EFNB1: variants seen among roughly 807,000 people sequenced by gnomAD.
EFNB1 encodes the protein ephrin B1.
EFNB1 carries 1 observed loss-of-function variant against 18.1 expected under a neutral mutation model. That is an observed-to-expected ratio of 0.06 (90% CI 0.02 to 0.26). The LOEUF (loss-of-function observed/expected upper bound fraction) is 0.26. Ranked by LOEUF, EFNB1 falls within the 10% of genes least tolerant of loss-of-function variation. The pLI, the probability that EFNB1 is intolerant of heterozygous loss-of-function variation, is 1.00. For missense variants in EFNB1, 221 were observed against 301.8 expected, an observed-to-expected ratio of 0.73 and a Z score of 1.98; for synonymous variants, 131 against 127.5, an observed-to-expected ratio of 1.03 and a Z score of -0.19.
intron 2 of EFNB1, among the ~76,000 whole-genome samples, chrX:68,839,192 T>G (rs890056849): frequency 8.9e-6 from 1 of 112,551 alleles, no homozygotes; most frequent in Non-Finnish European, 1.9e-5. Context: ...TGGTAACATA[T>G]GCCAGGCCCT....
intron 1 of EFNB1, among the ~76,000 whole-genome samples, chrX:68,835,400 A>G (rs1277448524): frequency 9.0e-6 from 1 of 111,339 alleles, no homozygotes; most frequent in Admixed American, 9.4e-5. Context: ...TCACTTCGGG[A>G]TATCTCTTCC....
intron 1 of EFNB1, among the ~76,000 whole-genome samples, chrX:68,832,811 C>CGTGTGTGTGTGTGCGTGTGTGTGTGT (rs2080449914): frequency 1.0e-5 from 1 of 97,358 alleles, no homozygotes; most frequent in Non-Finnish European, 2.1e-5. Flanking sequence ...TCTGTGTGTG[C>CGTGTGTGTGTGTGCGTGTGTGTGTGT]GTGTGTGTGT....
intron 2 of EFNB1, among the ~76,000 whole-genome samples, chrX:68,839,368 C>G (rs903141241): frequency 2.7e-5 from 3 of 112,280 alleles, no homozygotes; most frequent in South Asian, 7.5e-4. Context: ...TATGTAGAAG[C>G]CCCCATTATG....
intron 1 of EFNB1, among the ~76,000 whole-genome samples, chrX:68,835,867 G>A (rs2080459598): frequency 1.8e-5 from 2 of 111,481 alleles, no homozygotes; most frequent in South Asian, 3.8e-4. Flanking sequence ...ACCCCAATTA[G>A]CTAGAAGCCC....
intron 1 of EFNB1, among the ~76,000 whole-genome samples, chrX:68,838,284 G>T (rs919734138): frequency 9.0e-6 from 1 of 110,807 alleles, no homozygotes; most frequent in African/African-American, 3.3e-5. Context: ...CAGGTAGCAT[G>T]GGCCTGACAC....
chrX:68,839,520 G>T, intron 2 of EFNB1, 144 bp from the exon 3 acceptor site: 1 of 557,925 alleles, frequency 1.8e-6, no homozygotes. Flanking sequence ...AAATGAAAAG[G>T]TTCACTGGTA....
intron 1 of EFNB1, among the ~76,000 whole-genome samples, chrX:68,832,837 T>TGTGTGTGTGTGTGTCTGA (rs1280587432): frequency 9.1e-6 from 1 of 109,687 alleles, no homozygotes; most frequent in African/African-American, 3.3e-5. Context: ...TGTGTGTGTG[T>TGTGTGTGTGTGTGTCTGA]GTGTCTGAGT....
At position 68,838,610 on chromosome X, in the gene EFNB1, T is replaced by C. The variant is rs1363447224; in HGVS notation, c.129-7T>C. The C allele has an allele frequency of 8.3e-7, 1 of 1,210,377 alleles. No homozygotes were observed. Among genetic ancestry groups the C allele is most frequent in the Non-Finnish European group, 1.1e-6 (1 of 895,311 alleles). ...CTGAGGCTGACCATCTTCTTCCTTC[T>C]GGGCAGGTTCCTGAGTGGGAAGGGC... is the stretch of plus-strand genomic sequence containing the variant. On this transcript the variant is annotated splice_polypyrimidine_tract_variant and splice_region_variant and intron_variant, in intron 1 of 4. Coordinates refer to ENST00000204961, the MANE Select transcript of EFNB1 (RefSeq NM_004429.5).
chrX:68,837,915 G>A (rs1187762954), intron 1 of EFNB1, among the ~76,000 whole-genome samples: 1 of 112,290 alleles, frequency 8.9e-6, no homozygotes, highest in African/African-American at 3.2e-5. Flanking sequence ...TAGGACAATA[G>A]GCAGTGGGAG....
rs2080476239 is a variant in EFNB1, at chrX:68,840,818, G to A, written c.*164G>A. ...CTTTTTCCCTGCCCCCTGGGCTTCG[G>A]AGGGGGGTGCTTGTGCCCCTAACCC... On this transcript the variant is annotated 3_prime_UTR_variant, in exon 5 of 5. Coordinates refer to ENST00000204961, the MANE Select transcript of EFNB1 (RefSeq NM_004429.5). 1.7e-6 allele frequency: 1 copy of A among 593,425 alleles called. No individual in the cohort carries two copies. Among genetic ancestry groups the A allele is most frequent in the Admixed American group, 2.9e-5 (1 of 34,014 alleles). The allele number at this position is 593,425 out of a possible 1,213,427, so 48.9% of individuals were successfully genotyped here.
At chrX:68,839,628 CCTGACTTCT>C (rs1569398114) in intron 2 of EFNB1, 27 bp from the exon 3 acceptor site, 3 of 1,184,845 alleles carry the variant, frequency 2.5e-6, no homozygotes, top group Non-Finnish European at 3.4e-6. Flanking sequence ...TTTCTCTCCT[CCTGACTTCT>C]CTGACTTCTC....
At chrX:68,836,119 C>T (rs1427234811) in intron 1 of EFNB1, among the ~76,000 whole-genome samples, 2 of 111,811 alleles carry the variant, frequency 1.8e-5, no homozygotes, top group Non-Finnish European at 3.8e-5. Context: ...TAGGTTTAGA[C>T]CCCTCTTTTC....
In EFNB1 at chrX:68,840,618, G is replaced by A. The variant is rs770643654; in HGVS notation, c.1005G>A (p.Pro335=). The change falls in exon 5 of 5, where the codon CCG becomes CCA. Residue 335 remains proline (P), a synonymous_variant. Transcript: ENST00000204961. ...CTGTCTACATCGTCCAAGAGATGCC[G>A]CCCCAGAGCCCGGCGAACATCTACT... The part of the protein sequence containing the change: ...GHPVYIVQEM[P]PQSPANIYYK... 3.6e-5 allele frequency: 43 copies of A among 1,208,517 alleles called. No homozygotes were observed. The highest frequency in any genetic ancestry group is 3.3e-4 in the Admixed American group (15 of 45,748).
At chrX:68,838,431 C>T (rs2080467895) in intron 1 of EFNB1, among the ~76,000 whole-genome samples, 186 bp from the exon 2 acceptor site, 1 of 111,655 alleles carries the variant, frequency 9.0e-6, no homozygotes, top group Non-Finnish European at 1.9e-5. Flanking sequence ...CCACCCCTTC[C>T]ACACTCTCCT....
rs2080480971 is a variant in EFNB1 at position 68,842,045 on chromosome X, A to G, written c.*1391A>G. ...TTCTGTTGCCATTTGTGTAAATACT[A>G]GTCTTTTTGGAAAAAAAATAATGTA... On this transcript the variant is annotated 3_prime_UTR_variant, in exon 5 of 5. Coordinates refer to ENST00000204961, the MANE Select transcript of EFNB1 (RefSeq NM_004429.5). 1 of 112,399 alleles carries G rather than the reference A, an allele frequency of 8.9e-6. No individual in the cohort carries two copies. Among genetic ancestry groups the G allele is most frequent in the African/African-American group, 3.2e-5 (1 of 30,810 alleles). 9.3% of individuals were successfully genotyped at this position (112,399 alleles called of 1,213,427 possible).
In EFNB1 at chrX:68,840,724, C is replaced by G. The variant is rs1278223584; in HGVS notation, c.*70C>G. ...CCGGACCTCTCCTTTCGCCCCCACA[C>G]CCCCTCCCCTTGCCAGCTGTGCCCA... is the stretch of plus-strand genomic sequence containing the variant. On this transcript the variant is annotated 3_prime_UTR_variant, in exon 5 of 5. Transcript: ENST00000204961. The G allele has an allele frequency of 1.9e-6, 2 of 1,076,242 alleles. No individual in the cohort carries two copies. Among genetic ancestry groups the G allele is most frequent in the African/African-American group, 3.6e-5 (2 of 55,466 alleles). The allele number at this position is 1,076,242 out of a possible 1,213,427, so 88.7% of individuals were successfully genotyped here.
At position 68,834,952 on chromosome X, in the gene EFNB1, C is replaced by T. The variant is rs1046381315; in HGVS notation, c.129-3665C>T. On this transcript the variant is annotated intron_variant, in intron 1 of 4. Coordinates refer to ENST00000204961, the MANE Select transcript of EFNB1 (RefSeq NM_004429.5). ...TCACATGGGTGGAGAAGGGCTTATC[C>T]GGAGAAAACAAGGAGGGGGCTGTTG... Among the ~76,000 whole-genome samples, 11 of 112,512 alleles carry T rather than the reference C, an allele frequency of 9.8e-5. No homozygotes were observed. The South Asian group carries it at 1.1e-3, about 11-fold the overall frequency.
chrX:68,836,970 T>C (rs1159676113), intron 1 of EFNB1, among the ~76,000 whole-genome samples: 1 of 111,780 alleles, frequency 8.9e-6, no homozygotes, highest in African/African-American at 3.3e-5. Flanking sequence ...TGTCTCAGTG[T>C]GTTGACTTCT....
At chrX:68,829,968 C>A in intron 1 of EFNB1, 64 bp downstream of exon 1, 1 of 1,150,609 alleles carries the variant, frequency 8.7e-7, no homozygotes, top group Admixed American at 2.6e-5. Context: ...AGGCCGCACG[C>A]CCCGGAGTGC....
Sources: allele counts gnomAD v4.1 joint callset (sites outside exome capture counted in the v4.1 genomes callset), GRCh38; gene constraint gnomAD v4.1.1; transcripts MANE v1.5; gene names NCBI Gene and HGNC (gene_info 2026-07-23, HGNC 2026-07-21).